C4orf51: variants seen among roughly 807,000 people sequenced by gnomAD.
C4orf51 encodes the protein chromosome 4 open reading frame 51, also known as uncharacterized protein C4orf51.
A neutral mutation model predicts 25.2 loss-of-function variants in C4orf51; 25 were observed. That is an observed-to-expected ratio of 0.99 (90% CI 0.72 to 1.39). The LOEUF is 1.39. Ranked by LOEUF, C4orf51 falls within the 40% of genes most tolerant of loss-of-function variation. The probability of loss-of-function intolerance (pLI) is 0.00; values close to 1 mark genes in which losing one functional copy is unlikely to be tolerated. For synonymous variants in C4orf51, 100 were observed against 84.5 expected (o/e 1.18, Z -1.01); for missense variants, 252 against 239.6 (o/e 1.05, Z -0.34).
At chr4:145,736,045 TA>T (rs1486590579), downstream of C4orf51, among the ~76,000 whole-genome samples, 2 of 152,074 alleles carry the variant, frequency 1.3e-5, no homozygotes, top group Non-Finnish European at 2.9e-5. Flanking sequence ...TCTCCTCCCC[TA>T]ACCCCCTCTT....
rs1286881599 is a variant in C4orf51 at position 145,762,020 on chromosome 4, A to G, written n.167-8968A>G. Among the ~76,000 whole-genome samples, 3 of 152,304 alleles carry G rather than the reference A, an allele frequency of 2.0e-5. No homozygotes were observed. The highest frequency in any genetic ancestry group is 6.8e-3 in the Middle Eastern group (2 of 294). On this transcript the variant is annotated intron_variant and non_coding_transcript_variant, in intron 1 of 1. Coordinates refer to the C4orf51 transcript ENST00000510096. The surrounding 1 kb of genome is among the most constrained non-coding windows in gnomAD (Gnocchi z 4.9). The stretch of plus-strand genomic sequence containing the variant: ...CCTCTAGATGGGAGCAACACAAAGA[A>G]TCGACTTTTCATGCACCACACCAAG...
intron 1 of C4orf51, among the ~76,000 whole-genome samples, chr4:145,686,910 A>G (rs1729187952): frequency 6.6e-6 from 1 of 152,108 alleles, no homozygotes. Flanking sequence ...AGGGTGAAAA[A>G]TCTATTCTTG....
intron 1 of C4orf51, among the ~76,000 whole-genome samples, chr4:145,687,392 C>T (rs745465964): frequency 2.6e-5 from 4 of 152,222 alleles, no homozygotes; most frequent in Non-Finnish European, 4.4e-5. Flanking sequence ...ACCTTGGGCA[C>T]ATGTCCTCAG....
intron 1 of C4orf51, among the ~76,000 whole-genome samples, chr4:145,684,469 G>A (rs1317485170): frequency 6.6e-5 from 10 of 152,100 alleles, no homozygotes; most frequent in East Asian, 3.9e-4. Flanking sequence ...GTGACAGAGC[G>A]AGACTCTGTC....
intron 2 of C4orf51, among the ~76,000 whole-genome samples, chr4:145,702,270 G>C (rs1313674960): frequency 1.3e-5 from 2 of 151,520 alleles, no homozygotes; most frequent in African/African-American, 4.9e-5. Context: ...CCACCCCGTG[G>C]TGCCAAACCC....
chr4:145,682,946 T>C (rs2126649062), intron 1 of C4orf51, among the ~76,000 whole-genome samples: 1 of 152,094 alleles, frequency 6.6e-6, no homozygotes, highest in East Asian at 1.9e-4. Context: ...AATAAAACTG[T>C]CTTTGTTTGC....
downstream of C4orf51, chr4:145,774,400 A>C: frequency 7.8e-7 from 1 of 1,279,824 alleles, no homozygotes; most frequent in Non-Finnish European, 1.1e-6. Context: ...CATGGAAGGA[A>C]AAGGGCAATG....
chr4:145,709,525 G>A (rs1054547272), intron 2 of C4orf51, among the ~76,000 whole-genome samples: 3 of 152,252 alleles, frequency 2.0e-5, no homozygotes, highest in African/African-American at 7.2e-5. Context: ...AGCAAGAGCT[G>A]CAGGAACATG....
At chr4:145,764,447 C>T (rs992207035) in intron 1 of C4orf51, among the ~76,000 whole-genome samples, 13 of 152,290 alleles carry the variant, frequency 8.5e-5, no homozygotes, top group Admixed American at 5.2e-4. Context: ...TGCTCGTTGT[C>T]TAGATCTTGG....
downstream of C4orf51, among the ~76,000 whole-genome samples, chr4:145,736,749 T>C (rs1732825914): frequency 6.6e-6 from 1 of 152,206 alleles, no homozygotes; most frequent in African/African-American, 2.4e-5. Flanking sequence ...TGTCTGCTTT[T>C]TGGCAGCTGC....
intron 1 of C4orf51, among the ~76,000 whole-genome samples, chr4:145,738,476 A>G (rs1328186256): frequency 6.6e-6 from 1 of 151,620 alleles, no homozygotes; most frequent in Non-Finnish European, 1.5e-5. Flanking sequence ...ATATATATAT[A>G]TAGACACACA....
chr4:145,700,437 C>T (rs914226956), intron 2 of C4orf51, among the ~76,000 whole-genome samples: 2 of 152,230 alleles, frequency 1.3e-5, no homozygotes, highest in Middle Eastern at 6.8e-3. Context: ...TTCTTAAGAA[C>T]TTAAAACCTC....
chr4:145,779,388 A>T, the C4orf51 span: 1 of 1,614,112 alleles, frequency 6.2e-7, no homozygotes, highest in East Asian at 2.2e-5. Context: ...GTGCAGCGAG[A>T]GGTGTCGGGA....
intron 2 of C4orf51, among the ~76,000 whole-genome samples, chr4:145,697,910 A>AT (rs1018379668): frequency 6.6e-6 from 1 of 152,088 alleles, no homozygotes; most frequent in South Asian, 2.1e-4. Context: ...TCTATTTTTA[A>AT]TTTTTTTCAG....
chr4:145,719,465 C>T (rs1245644290), intron 2 of C4orf51, among the ~76,000 whole-genome samples: 6 of 151,682 alleles, frequency 4.0e-5, no homozygotes, highest in Non-Finnish European at 7.4e-5. Flanking sequence ...ATTAGCCAGG[C>T]GTGGTTGCGG....
At chr4:145,778,117 C>G in the C4orf51 span, among the ~76,000 whole-genome samples, 2 of 152,000 alleles carry the variant, frequency 1.3e-5, no homozygotes, top group African/African-American at 4.8e-5. Context: ...CATGGAGAAA[C>G]CCCATTTCTA....
intron 2 of C4orf51, among the ~76,000 whole-genome samples, chr4:145,713,675 T>C (rs4267753): frequency 0.63 from 96,196 of 152,160 alleles, 31,908 homozygotes; most frequent in African/African-American, 0.84. Flanking sequence ...AAAGCATTTA[T>C]AATATTACAT....
chr4:145,743,330 A>G (rs1054888844), intron 1 of C4orf51, among the ~76,000 whole-genome samples: 2 of 152,228 alleles, frequency 1.3e-5, no homozygotes, highest in Admixed American at 6.5e-5. Context: ...AGGGGCCAGC[A>G]TCTTGTGAAG....
the C4orf51 span, among the ~76,000 whole-genome samples, chr4:145,781,710 G>A: frequency 1.1e-3 from 161 of 152,298 alleles, no homozygotes; most frequent in Non-Finnish European, 2.0e-3. Flanking sequence ...TTGAGTCCAC[G>A]CAGTGGGCAT....
Sources: gnomAD v4.1 joint callset for allele counts (sites outside exome capture counted in the v4.1 genomes callset) on GRCh38, gnomAD v4.1.1 for gene constraint, Gnocchi (gnomAD v3.1) non-coding constraint, MANE v1.5 for transcripts, NCBI Gene and HGNC (gene_info 2026-07-23, HGNC 2026-07-21) for gene names.